The following BBS12 variants were observed in gnomAD, a reference collection of about 807,000 sequenced individuals.
BBS12 encodes the protein Bardet-Biedl syndrome 12, also known as chaperonin-containing T-complex member BBS12.
In BBS12, 5 loss-of-function variants were observed where a neutral mutation model predicts 5.6. That is an observed-to-expected ratio of 0.89 (90% CI 0.46 to 1.86). The LOEUF (loss-of-function observed/expected upper bound fraction) is 1.86. Ranked by LOEUF, BBS12 falls within the 40% of genes most tolerant of loss-of-function variation. The pLI, the probability that BBS12 is intolerant of heterozygous loss-of-function variation, is 0.01. For synonymous variants in BBS12, 308 were observed against 306.8 expected (o/e 1.00, Z -0.04); for missense variants, 748 against 830.4 (o/e 0.90, Z 1.22).
At position 122,743,915 on chromosome 4, in the gene BBS12, C is replaced by T. The variant is rs752202089; in HGVS notation, c.2023C>T (p.Arg675Ter). The T allele has an allele frequency of 4.4e-6, 7 of 1,606,830 alleles. No individual in the cohort carries two copies. The highest frequency in any genetic ancestry group is 1.1e-5 in the South Asian group (1 of 89,838). Residue 675 changes from arginine (R) to a stop codon, truncating the protein, a stop_gained, in exon 2 of 2, where the codon CGA becomes TGA. Transcript: ENST00000314218. LOFTEE classifies it high-confidence loss of function. ...VVTPKIEAWR[R>*]ALDLVLLVLQ... ...TACACCAAAGATTGAGGCGTGGCGC[C>T]GAGCATTGGATTTAGTATTGTTAGT...
chr4:122,717,881 G>A, the BBS12 span, among the ~76,000 whole-genome samples: 1 of 152,182 alleles, frequency 6.6e-6, no homozygotes, highest in Admixed American at 6.5e-5. Context: ...CCATTTAAAA[G>A]ATAACTCCTA....
At chr4:122,729,481 T>G (rs533202700), upstream of BBS12, 1 of 152,192 alleles carries the variant, frequency 6.6e-6, no homozygotes, top group African/African-American at 2.4e-5. Flanking sequence ...GTTTTATCCA[T>G]AGGGAAGCAG....
chr4:122,703,259 G>T, the BBS12 span, among the ~76,000 whole-genome samples: 2 of 151,824 alleles, frequency 1.3e-5, no homozygotes, highest in African/African-American at 4.8e-5. Context: ...TTTCAGGTCT[G>T]TGTCCTCCCA....
chr4:122,742,727 G>A lies in BBS12; in HGVS notation c.835G>A (p.Asp279Asn), dbSNP rs375150883. The A allele has an allele frequency of 6.2e-7, 1 of 1,614,140 alleles. No homozygotes were observed. Among genetic ancestry groups the A allele is most frequent in the African/African-American group, 1.3e-5 (1 of 74,948 alleles). The change falls in exon 2 of 2, where the codon GAT becomes AAT. Residue 279 changes from aspartate to asparagine, a missense_variant. Physicochemically the swap from Asp to Asn is conservative, Grantham distance 23. Transcript: ENST00000314218. The stretch of plus-strand genomic sequence containing the variant: ...GTTGGCAGTAGGCTTGAGTCATGGA[G>A]ATCACAGCAGCATGAAGTTAGTAGA... ...VELAVGLSHG[D>N]HSSMKLVEEA...
chr4:122,740,483 G>A (rs370702121), intron 1 of BBS12, among the ~76,000 whole-genome samples: 48 of 152,280 alleles, frequency 3.2e-4, no homozygotes, highest in Middle Eastern at 6.8e-3. Flanking sequence ...CTTTTGTTCT[G>A]AGCACTGCTC....
intron 1 of BBS12, among the ~76,000 whole-genome samples, chr4:122,736,225 G>A (rs537526012): frequency 3.9e-5 from 6 of 152,300 alleles, no homozygotes; most frequent in African/African-American, 1.2e-4. Context: ...AAGATTTTGA[G>A]CCTAGGAGTG....
chr4:122,716,607 A>ACTTGTG, the BBS12 span, among the ~76,000 whole-genome samples: 1 of 58,810 alleles, frequency 1.7e-5, no homozygotes. Flanking sequence ...GTATACACAC[A>ACTTGTG]TGTGTGTATA....
chr4:122,716,208 C>T, the BBS12 span, among the ~76,000 whole-genome samples: 1 of 152,080 alleles, frequency 6.6e-6, no homozygotes, highest in Admixed American at 6.5e-5. Context: ...TGTTCAAATC[C>T]ATTTTTATAA....
the BBS12 span, among the ~76,000 whole-genome samples, chr4:122,721,963 T>G: frequency 6.6e-6 from 1 of 152,216 alleles, no homozygotes; most frequent in East Asian, 1.9e-4. Context: ...TTCAAAGAGT[T>G]GTTTTTAGAT....
At chr4:122,727,639 C>T in the BBS12 span, among the ~76,000 whole-genome samples, 8 of 147,086 alleles carry the variant, frequency 5.4e-5, no homozygotes, top group African/African-American at 1.3e-4. Flanking sequence ...CTGCCACCTC[C>T]GCCTCCGGGG....
At chr4:122,723,828 T>C in the BBS12 span, among the ~76,000 whole-genome samples, 4 of 152,178 alleles carry the variant, frequency 2.6e-5, no homozygotes, top group East Asian at 3.8e-4. Flanking sequence ...AGCCCTCTCA[T>C]TGGTGAACTA....
In BBS12 at chr4:122,744,450, C is replaced by T. The variant is rs890616532; in HGVS notation, c.*425C>T. On this transcript the variant is annotated 3_prime_UTR_variant, in exon 2 of 2. Coordinates refer to ENST00000314218, the MANE Select transcript of BBS12 (RefSeq NM_152618.3). ...TAAGCAAAAAAATCCTGGTCTTTGT[C>T]CAAAGGGAGTTATTACCCCATACTT... 21 of 187,470 alleles carry T rather than the reference C, an allele frequency of 1.1e-4. No individual in the cohort carries two copies. Among genetic ancestry groups the T allele is most frequent in the Non-Finnish European group, 2.2e-4 (18 of 81,496 alleles). The allele number at this position is 187,470 out of a possible 1,614,324, so 11.6% of individuals were successfully genotyped here. A position where few individuals can be genotyped will look rare whatever the true frequency, so the allele number is the denominator to read the frequency against.
At chr4:122,734,271 C>T (rs1256416140) in intron 1 of BBS12, among the ~76,000 whole-genome samples, 4 of 146,280 alleles carry the variant, frequency 2.7e-5, no homozygotes, top group African/African-American at 9.9e-5. Flanking sequence ...AGGTCATACA[C>T]TTTTTTTTTT....
At chr4:122,708,444 G>C in the BBS12 span, among the ~76,000 whole-genome samples, 1 of 152,076 alleles carries the variant, frequency 6.6e-6, no homozygotes, top group African/African-American at 2.4e-5. Flanking sequence ...ACACACTTTC[G>C]AGATGCCCAC....
chr4:122,708,093 C>G, the BBS12 span, among the ~76,000 whole-genome samples: 1 of 151,564 alleles, frequency 6.6e-6, no homozygotes, highest in African/African-American at 2.4e-5. Flanking sequence ...CTTACTGAAG[C>G]CTTGACCTCT....
At chr4:122,739,429 G>GT (rs1295755437) in intron 1 of BBS12, among the ~76,000 whole-genome samples, 1 of 152,220 alleles carries the variant, frequency 6.6e-6, no homozygotes, top group African/African-American at 2.4e-5. Context: ...TATAGGAAAT[G>GT]TGAGTCAGGC....
chr4:122,740,270 A>G (rs2150734904), intron 1 of BBS12, among the ~76,000 whole-genome samples: 1 of 152,290 alleles, frequency 6.6e-6, no homozygotes, highest in South Asian at 2.1e-4. Context: ...CTGTCTAAAA[A>G]ATAAAAATAA....
At chr4:122,708,781 C>T in the BBS12 span, among the ~76,000 whole-genome samples, 1 of 151,862 alleles carries the variant, frequency 6.6e-6, no homozygotes, top group African/African-American at 2.4e-5. Flanking sequence ...TCACATTGTG[C>T]CCCGTACATG....
chr4:122,727,697 C>A, the BBS12 span, among the ~76,000 whole-genome samples: 1 of 150,316 alleles, frequency 6.7e-6, no homozygotes, highest in East Asian at 2.0e-4. Context: ...GGATTACAGG[C>A]GCCTGCCACC....
Sources: allele counts gnomAD v4.1 joint callset (sites outside exome capture counted in the v4.1 genomes callset), GRCh38; gene constraint gnomAD v4.1.1; transcripts MANE v1.5; gene names NCBI Gene and HGNC (gene_info 2026-07-23, HGNC 2026-07-21).